Variants in PLB1 observed in about 807,000 individuals in gnomAD.
PLB1 encodes the protein phospholipase B1, membrane-associated.
In PLB1, 242 loss-of-function variants were observed where a neutral mutation model predicts 227.4. The ratio of observed to expected loss-of-function variants is 1.06; its 90% CI spans 0.96 to 1.18. PLB1 has a LOEUF of 1.18. Among genes scored for constraint, PLB1 ranks in the 50% most tolerant of loss-of-function variants. The pLI, the probability that PLB1 is intolerant of heterozygous loss-of-function variation, is 0.00. For synonymous variants in PLB1, 757 were observed against 682.2 expected (o/e 1.11, Z -1.71); for missense variants, 1,858 against 1,816.3 (o/e 1.02, Z -0.42).
chr2:28,534,749 G>T (rs1457118322), intron 9 of PLB1, among the ~76,000 whole-genome samples: 3 of 152,128 alleles, frequency 2.0e-5, no homozygotes, highest in Non-Finnish European at 4.4e-5. Flanking sequence ...AGCTACTCGG[G>T]AGGCTGAGGC....
At chr2:28,529,606 T>G (rs1367704802) in intron 7 of PLB1, 122 bp from the exon 8 acceptor site, 1 of 1,114,652 alleles carries the variant, frequency 9.0e-7, no homozygotes, top group African/African-American at 1.6e-5. Flanking sequence ...TGCCCACCCT[T>G]CAGAAGCCAG....
At chr2:28,502,949 T>G (rs148129297) in intron 1 of PLB1, among the ~76,000 whole-genome samples, 1 of 152,270 alleles carries the variant, frequency 6.6e-6, no homozygotes, top group African/African-American at 2.4e-5. Flanking sequence ...AAATCCACTT[T>G]GGAAAGTTTT....
At chr2:28,613,256 A>T (rs911932835) in intron 43 of PLB1, among the ~76,000 whole-genome samples, 7 of 151,970 alleles carry the variant, frequency 4.6e-5, no homozygotes, top group African/African-American at 1.7e-4. Flanking sequence ...TTTTATTCTC[A>T]CATTTTCAGA....
intron 26 of PLB1, 43 bp from the exon 27 acceptor site, chr2:28,589,407 G>A: frequency 6.8e-7 from 1 of 1,462,326 alleles, no homozygotes; most frequent in African/African-American, 1.4e-5. Context: ...CCGAGCAGAT[G>A]CAGAGAGGAC....
In PLB1 at chr2:28,603,972, G is replaced by A; in HGVS notation, c.2781G>A (p.Leu927=). 6.2e-7 allele frequency: 1 copy of A among 1,614,198 alleles called. No individual in the cohort carries two copies. Among genetic ancestry groups the A allele is most frequent in the African/African-American group, 1.3e-5 (1 of 75,064 alleles). The change falls in exon 40 of 58, where the codon TTG becomes TTA. Residue 927 remains leucine, a synonymous_variant. Coordinates refer to ENST00000327757, the MANE Select transcript of PLB1 (RefSeq NM_153021.5). ...CCTCCCCCTCTTTGTGCAGCGTTTT[G>A]TGTAACTGCGTTCTGACCCTGCGGG... The part of the protein sequence containing the change: ...DKCPVQQASV[L]CNCVLTLREN...
At chr2:28,530,704 T>C (rs776535218) in intron 8 of PLB1, among the ~76,000 whole-genome samples, 1 of 152,232 alleles carries the variant, frequency 6.6e-6, no homozygotes, top group Admixed American at 6.5e-5. Flanking sequence ...GCAAACTGTA[T>C]CTAACTAAGC....
chr2:28,566,706 G>A (rs781196738), intron 19 of PLB1, 90 bp from the exon 20 acceptor site: 29 of 1,448,966 alleles, frequency 2.0e-5, no homozygotes, highest in Non-Finnish European at 2.8e-5. Context: ...GCTGTTTCTC[G>A]GGAGACGGGC....
At chr2:28,559,854 C>T (rs542357052) in intron 17 of PLB1, among the ~76,000 whole-genome samples, 1 of 137,974 alleles carries the variant, frequency 7.2e-6, no homozygotes, top group South Asian at 2.4e-4. Flanking sequence ...CAGGTTCAAG[C>T]AATTCTCATG....
intron 35 of PLB1, among the ~76,000 whole-genome samples, chr2:28,599,548 C>T (rs1021242224): frequency 6.6e-6 from 1 of 150,798 alleles, no homozygotes; most frequent in African/African-American, 2.5e-5. Context: ...CCACCCAGGT[C>T]TATAACGGGG....
chr2:28,588,964 G>C (rs990021769), intron 26 of PLB1, among the ~76,000 whole-genome samples: 2 of 152,024 alleles, frequency 1.3e-5, no homozygotes, highest in Non-Finnish European at 2.9e-5. Context: ...AGGAGTTCGA[G>C]ACCAGCCTGG....
intron 14 of PLB1, among the ~76,000 whole-genome samples, chr2:28,546,377 G>A (rs17006979): frequency 0.48 from 72,938 of 152,020 alleles, 17,890 homozygotes; most frequent in East Asian, 0.76. Flanking sequence ...TAAGGAACTT[G>A]GGGATTGCTC....
intron 23 of PLB1, among the ~76,000 whole-genome samples, chr2:28,579,979 C>G (rs1223042924): frequency 1.3e-5 from 2 of 152,176 alleles, no homozygotes; most frequent in Non-Finnish European, 2.9e-5. Flanking sequence ...AAGATAACAC[C>G]CAATGACTAG....
In PLB1 at chr2:28,551,742, G is replaced by A. The variant is rs532924259; in HGVS notation, c.1084-1186G>A. On this transcript the variant is annotated intron_variant, in intron 16 of 57. Transcript: ENST00000327757. ...AACCTGGGAAATAATGACAGTAATA[G>A]TCGTACCTTGCGGAGTTATTAATGT... is the stretch of plus-strand genomic sequence containing the variant. Among the ~76,000 whole-genome samples the A allele has an allele frequency of 1.2e-4, 18 of 152,306 alleles. No homozygotes were observed. In the South Asian group the frequency reaches 2.9e-3, roughly 25 times the overall value.
chr2:28,567,864 T>C (rs1354656070), intron 20 of PLB1, among the ~76,000 whole-genome samples: 1 of 152,220 alleles, frequency 6.6e-6, no homozygotes, highest in Non-Finnish European at 1.5e-5. Flanking sequence ...ATGCAAGCGA[T>C]ACATATTTAA....
chr2:28,579,156 C>T (rs1203485275), intron 22 of PLB1, among the ~76,000 whole-genome samples: 1 of 152,240 alleles, frequency 6.6e-6, no homozygotes, highest in African/African-American at 2.4e-5. Flanking sequence ...CAGAACTAGT[C>T]ACCAGTGTGA....
At chr2:28,553,169 A>G (rs1674516112) in intron 17 of PLB1, among the ~76,000 whole-genome samples, 178 bp downstream of exon 17, 1 of 152,214 alleles carries the variant, frequency 6.6e-6, no homozygotes, top group Non-Finnish European at 1.5e-5. Flanking sequence ...CTAAAATGTG[A>G]TATCATTATC....
intron 1 of PLB1, among the ~76,000 whole-genome samples, chr2:28,496,943 CAG>C (rs1351278727): frequency 6.6e-6 from 1 of 152,208 alleles, no homozygotes; most frequent in Non-Finnish European, 1.5e-5. Flanking sequence ...AGGCATGGGA[CAG>C]AGTCCTGGGC....
chr2:28,501,771 G>A (rs949534400), intron 1 of PLB1, among the ~76,000 whole-genome samples: 1 of 151,740 alleles, frequency 6.6e-6, no homozygotes, highest in Non-Finnish European at 1.5e-5. Flanking sequence ...TTAATTATAT[G>A]TCCTGAAAAT....
chr2:28,553,154 T>G (rs1475172526), intron 17 of PLB1, among the ~76,000 whole-genome samples, 163 bp downstream of exon 17: 1 of 152,228 alleles, frequency 6.6e-6, no homozygotes, highest in African/African-American at 2.4e-5. Context: ...TTGACTATTC[T>G]TTAACTAAAA....
Sources: allele counts gnomAD v4.1 joint callset (sites outside exome capture counted in the v4.1 genomes callset), GRCh38; gene constraint gnomAD v4.1.1; transcripts MANE v1.5; gene names NCBI Gene and HGNC (gene_info 2026-07-23, HGNC 2026-07-21).